Variants in TRPC3 observed in about 807,000 individuals in gnomAD.
TRPC3 encodes short transient receptor potential channel 3.
In TRPC3, 54 loss-of-function variants were observed where a neutral mutation model predicts 90.9. That is an observed-to-expected ratio of 0.59 (90% confidence interval 0.48 to 0.75). TRPC3 has a LOEUF of 0.75. Among genes scored for constraint, TRPC3 ranks in the 30% least tolerant of loss-of-function variants. The probability of loss-of-function intolerance (pLI) is 0.00; values close to 1 mark genes in which losing one functional copy is unlikely to be tolerated. For missense variants in TRPC3, 918 were observed against 1,194.5 expected, an observed-to-expected ratio of 0.77 and a Z score of 3.41; for synonymous variants, 424 against 450.9, an observed-to-expected ratio of 0.94 and a Z score of 0.75.
At chr4:121,942,555 C>T (rs1422918157) in intron 1 of TRPC3, among the ~76,000 whole-genome samples, 5 of 152,114 alleles carry the variant, frequency 3.3e-5, no homozygotes, top group African/African-American at 7.2e-5. Context: ...GGTGACAGAA[C>T]GAGACCCTGT....
chr4:121,935,742 T>C (rs1730110105), intron 1 of TRPC3, among the ~76,000 whole-genome samples: 1 of 152,092 alleles, frequency 6.6e-6, no homozygotes, highest in African/African-American at 2.4e-5. Context: ...AGGGGTTACC[T>C]TTGGGAAAAT....
In TRPC3 at chr4:121,945,388, A is replaced by G. The variant is rs76396878; in HGVS notation, c.215+6078T>C. ...AGGAGAACAAGGAATTGCAACACAA[A>G]TTTCATCTTCCATGAAACCAAGAGA... On this transcript the variant is annotated intron_variant, in intron 1 of 11. Coordinates refer to ENST00000379645, the MANE Select transcript of TRPC3 (RefSeq NM_001130698.2). Among the ~76,000 whole-genome samples, 1,059 of 152,324 alleles carry G rather than the reference A, an allele frequency of 7.0e-3. 6 individuals are homozygous for G. Among genetic ancestry groups the G allele is most frequent in the African/African-American group, 0.023 (959 of 41,578 alleles).
chr4:121,888,336 A>T (rs1218917039), intron 10 of TRPC3, among the ~76,000 whole-genome samples: 3 of 152,180 alleles, frequency 2.0e-5, no homozygotes, highest in Non-Finnish European at 2.9e-5. Flanking sequence ...ATCATTTTTT[A>T]AAAAAATGCA....
chr4:121,892,777 T>C (rs976519230), intron 10 of TRPC3, among the ~76,000 whole-genome samples: 1 of 151,976 alleles, frequency 6.6e-6, no homozygotes, highest in Non-Finnish European at 1.5e-5. Context: ...CTTAACGTGA[T>C]CAAAATAAAG....
intron 10 of TRPC3, among the ~76,000 whole-genome samples, chr4:121,894,883 G>A (rs912751033): frequency 2.6e-5 from 4 of 151,546 alleles, no homozygotes; most frequent in Non-Finnish European, 5.9e-5. Context: ...ATCAGCACGT[G>A]GTACATTCTC....
Position 121,925,209 on chromosome 4 carries a change from A to T in TRPC3, c.988-3T>A. 1 of 1,607,078 alleles carries T rather than the reference A, an allele frequency of 6.2e-7. No homozygotes were observed. The highest frequency in any genetic ancestry group is 8.5e-7 in the Non-Finnish European group (1 of 1,177,824). ...ATGGAGAGCTTCCGATAGTCATTCT[A>T]AGAACAAGAGGTTTAGTGTTTTAAC... On this transcript the variant is annotated splice_region_variant and splice_polypyrimidine_tract_variant and intron_variant, in intron 2 of 11. Transcript: ENST00000379645.
intron 10 of TRPC3, among the ~76,000 whole-genome samples, chr4:121,888,699 A>C (rs980664633): frequency 6.6e-6 from 1 of 152,102 alleles, no homozygotes; most frequent in Non-Finnish European, 1.5e-5. Context: ...GCCCACCTCC[A>C]AGTTCTGTAA....
In TRPC3 at chr4:121,951,798, C is replaced by A; in HGVS notation, c.-118G>T. 1.4e-5 allele frequency: 11 copies of A among 771,292 alleles called. No individual in the cohort carries two copies. The highest frequency in any genetic ancestry group is 2.0e-5 in the Non-Finnish European group (11 of 552,982). The allele number at this position is 771,292 out of a possible 1,614,324, so 47.8% of individuals were successfully genotyped here. ...CTCCCGCGGCTTCCGGGGCCCCGGGCGGCCCAGGGCGGGAAGGCAGGAGCG... is the reference window on the plus strand; with the variant it reads ...CTCCCGCGGCTTCCGGGGCCCCGGGAGGCCCAGGGCGGGAAGGCAGGAGCG... On this transcript the variant is annotated 5_prime_UTR_variant, in exon 1 of 12. Coordinates refer to ENST00000379645, the MANE Select transcript of TRPC3 (RefSeq NM_001130698.2). The surrounding 1 kb of genome is among the most constrained non-coding windows in gnomAD (Gnocchi z 4.4).
Position 121,951,490 on chromosome 4 carries a change from G to A in TRPC3, c.191C>T (p.Pro64Leu), listed in dbSNP as rs1730750408. The A allele has an allele frequency of 1.5e-6, 2 of 1,330,246 alleles. No homozygotes were observed. The highest frequency in any genetic ancestry group is 4.2e-5 in the Admixed American group (1 of 24,080). The allele number at this position is 1,330,246 out of a possible 1,614,324, so 82.4% of individuals were successfully genotyped here. Reference sequence around the variant, plus strand: ...CAGGTCCGGCCCGTGGGAGAAGGGCGGCGGGCAGTAGCCGTGCGGCTCCCG... The same window carrying A: ...CAGGTCCGGCCCGTGGGAGAAGGGCAGCGGGCAGTAGCCGTGCGGCTCCCG... The part of the protein sequence containing the change: ...SQREPHGYCP[P>L]PFSHGPDLSM... Residue 64 changes from proline to leucine, a missense_variant, in exon 1 of 12, where the codon CCG becomes CTG. Around this residue, in one of 4 missense-constraint regions of TRPC3, gnomAD observed 609 missense variants for 725.9 expected, o/e 0.84. Coordinates refer to ENST00000379645, the MANE Select transcript of TRPC3 (RefSeq NM_001130698.2). This position sits in a 1 kb window ranked among gnomAD's most constrained non-coding sequence, Gnocchi z 4.4.
In TRPC3 at chr4:121,907,370, A is replaced by C; in HGVS notation, c.1990T>G (p.Phe664Val). 6.2e-7 allele frequency: 1 copy of C among 1,613,422 alleles called. No individual in the cohort carries two copies. The highest frequency in any genetic ancestry group is 1.7e-5 in the Admixed American group (1 of 59,982). The change falls in exon 7 of 12, where the codon TTT (phenylalanine) becomes GTT (valine). Residue 664 changes from phenylalanine to valine, a missense_variant. Physicochemically the swap from Phe to Val is conservative, Grantham distance 50. This residue lies in a region of TRPC3 where 147 missense variants were observed against 263.5 expected (regional missense o/e 0.56). Transcript: ENST00000379645. ...MVLFIMVFFA[F>V]MIGMFILYSY... ...TAAAGTATGAACATGCCAATCATAA[A>C]GGCAAAAAACACCATAATAAAGAGG...
At position 121,902,929 on chromosome 4, in the gene TRPC3, T is replaced by A; in HGVS notation, c.2386A>T (p.Ile796Phe). The A allele has an allele frequency of 6.2e-7, 1 of 1,613,562 alleles. No homozygotes were observed. Among genetic ancestry groups the A allele is most frequent in the Non-Finnish European group, 8.5e-7 (1 of 1,179,776 alleles). The change falls in exon 9 of 12, where the codon ATT becomes TTT. Residue 796 changes from isoleucine to phenylalanine, a missense_variant. Physicochemically the swap from Ile to Phe is conservative, Grantham distance 21. Coordinates refer to ENST00000379645, the MANE Select transcript of TRPC3 (RefSeq NM_001130698.2). ...CTTCTGCATTTGGGAAAGTTAACAA[T>A]TCGCATGATGAAATAAACAAATGAT... ...PKSFVYFIMR[I>F]VNFPKCRRRR...
At chr4:121,905,189 A>G (rs1430041455) in intron 7 of TRPC3, among the ~76,000 whole-genome samples, 2 of 152,100 alleles carry the variant, frequency 1.3e-5, no homozygotes, top group African/African-American at 4.8e-5. Flanking sequence ...GCATACAAAT[A>G]CTTATATTCT....
intron 10 of TRPC3, among the ~76,000 whole-genome samples, chr4:121,889,964 T>C (rs558054307): frequency 1.3e-5 from 2 of 152,304 alleles, no homozygotes; most frequent in South Asian, 4.1e-4. Flanking sequence ...GTTGTATATA[T>C]ACACACAGTG....
At position 121,910,230 on chromosome 4, in the gene TRPC3, C is replaced by A; in HGVS notation, c.1716G>T (p.Gln572His). The change falls in exon 6 of 12, where the codon CAG becomes CAT. Residue 572 changes from glutamine (Q) to histidine (H), a missense_variant. By Grantham distance (24) the Gln-to-His change is conservative (BLOSUM62 0). Transcript: ENST00000379645. The stretch of plus-strand genomic sequence containing the variant: ...TCTCTTGGACGTAACTGTCCACATA[C>A]TGTTGTGCCTTCGTTGCCTGAAGGA... ...LAFLQATKAQ[Q>H]YVDSYVQESD... The A allele has an allele frequency of 6.2e-7, 1 of 1,613,850 alleles. No individual in the cohort carries two copies. Among genetic ancestry groups the A allele is most frequent in the Non-Finnish European group, 8.5e-7 (1 of 1,179,810 alleles).
At chr4:121,945,059 A>T (rs781765180) in intron 1 of TRPC3, among the ~76,000 whole-genome samples, 2 of 152,330 alleles carry the variant, frequency 1.3e-5, no homozygotes, top group Non-Finnish European at 2.9e-5. Context: ...ATTCTTCAAA[A>T]TATTCTATAT....
At chr4:121,917,193 C>G (rs1248431562) in intron 3 of TRPC3, among the ~76,000 whole-genome samples, 1 of 152,158 alleles carries the variant, frequency 6.6e-6, no homozygotes, top group Non-Finnish European at 1.5e-5. Context: ...TCTCCAAACC[C>G]AGGATTTTGT....
chr4:121,907,616 C>T (rs1447120754), intron 6 of TRPC3, 49 bp from the exon 7 acceptor site: 1 of 1,555,490 alleles, frequency 6.4e-7, no homozygotes, highest in African/African-American at 1.4e-5. Flanking sequence ...CTATTCATTG[C>T]CAACTACGCA....
Position 121,901,582 on chromosome 4 carries a change from T to C in TRPC3, c.2463+1270A>G, listed in dbSNP as rs1404177599. Among the ~76,000 whole-genome samples, 4 of 152,220 alleles carry C rather than the reference T, an allele frequency of 2.6e-5. No homozygotes were observed. In the South Asian group the frequency reaches 6.2e-4, roughly 24 times the overall value. On this transcript the variant is annotated intron_variant, in intron 9 of 11. Coordinates refer to ENST00000379645, the MANE Select transcript of TRPC3 (RefSeq NM_001130698.2). ...CACAGCGTTGCATGAGGTTCAAATG[T>C]ACAGGAAAGCACTTTGTAAACTGTG...
intron 1 of TRPC3, among the ~76,000 whole-genome samples, chr4:121,942,528 T>G (rs1240988130): frequency 6.6e-6 from 1 of 152,172 alleles, no homozygotes; most frequent in Admixed American, 6.5e-5. Context: ...AAGATTGCGC[T>G]GCTGCACTCC....
Sources: allele counts gnomAD v4.1 joint callset (sites outside exome capture counted in the v4.1 genomes callset), GRCh38; gene constraint gnomAD v4.1.1; regional missense constraint gnomAD v4.1.1; non-coding constraint Gnocchi (gnomAD v3.1); transcripts MANE v1.5; gene names NCBI Gene and HGNC (gene_info 2026-07-23, HGNC 2026-07-21).